The following SYNRG variants were observed in gnomAD, a reference collection of about 807,000 sequenced individuals.
SYNRG encodes the protein synergin gamma.
SYNRG carries 37 observed loss-of-function variants against 130.9 expected under a neutral mutation model. That is an observed-to-expected ratio of 0.28 (90% CI 0.22 to 0.37). The LOEUF is 0.37. Among genes scored for constraint, SYNRG ranks in the 10% least tolerant of loss-of-function variants. The probability of loss-of-function intolerance (pLI) is 1.00; values close to 1 mark genes in which losing one functional copy is unlikely to be tolerated. For missense variants in SYNRG, 1,338 were observed against 1,588.9 expected (o/e 0.84, Z 2.68); for synonymous variants, 539 against 568.1 (o/e 0.95, Z 0.73).
Position 37,542,341 on chromosome 17 carries a change from A to C in SYNRG, c.2833T>G (p.Ser945Ala). 6.2e-7 allele frequency: 1 copy of C among 1,614,206 alleles called. No individual in the cohort carries two copies. The highest frequency in any genetic ancestry group is 1.1e-5 in the South Asian group (1 of 91,086). The part of the protein sequence containing the change: ...SSENITMTSL[S>A]KVTTFVSEDA... ...TCACTTACAAAGGTCGTTACTTTGG[A>C]GAGAGATGTCATGGTGATGTTTTCA... The change falls in exon 15 of 22, where the codon TCC becomes GCC. Residue 945 changes from serine to alanine, a missense_variant. By Grantham distance (99) the Ser-to-Ala change is moderately conservative. Around this residue, in one of 3 missense-constraint regions of SYNRG, gnomAD observed 1,146 missense variants for 1,342.3 expected, o/e 0.85. Coordinates refer to ENST00000612223, the MANE Select transcript of SYNRG (RefSeq NM_007247.6).
intron 14 of SYNRG, among the ~76,000 whole-genome samples, chr17:37,547,471 T>C (rs141614094): frequency 6.6e-6 from 1 of 151,942 alleles, no homozygotes; most frequent in Non-Finnish European, 1.5e-5. Context: ...TGCTTTTTTT[T>C]TTTTTTTGGA....
At chr17:37,545,297 G>A (rs1188896799) in intron 14 of SYNRG, among the ~76,000 whole-genome samples, 1 of 152,030 alleles carries the variant, frequency 6.6e-6, no homozygotes, top group African/African-American at 2.4e-5. Context: ...TCGGGAGGGT[G>A]AGGCAGGAGA....
At chr17:37,566,005 G>A (rs1195001979) in intron 11 of SYNRG, among the ~76,000 whole-genome samples, 1 of 149,762 alleles carries the variant, frequency 6.7e-6, no homozygotes, top group African/African-American at 2.5e-5. Flanking sequence ...CGTCCGGGAG[G>A]GAGGTGGGGG....
chr17:37,580,508 T>TGAGAGAGAGAGAGAGA (rs1470548930), intron 6 of SYNRG, among the ~76,000 whole-genome samples: 76 of 133,774 alleles, frequency 5.7e-4, no homozygotes, highest in East Asian at 2.1e-3. Flanking sequence ...TGTGTGTGTG[T>TGAGAGAGAGAGAGAGA]GTGAGAGAGA....
chr17:37,521,184 CCA>C (rs1368999407), intron 19 of SYNRG, among the ~76,000 whole-genome samples: 3 of 151,994 alleles, frequency 2.0e-5, no homozygotes, highest in African/African-American at 7.3e-5. Context: ...AGGCGCGCCA[CCA>C]CGTCTGGTTA....
intron 20 of SYNRG, 30 bp downstream of exon 20, chr17:37,520,508 T>C: frequency 6.3e-7 from 1 of 1,597,148 alleles, no homozygotes; most frequent in Non-Finnish European, 8.6e-7. Context: ...GGAAGCCCTT[T>C]GCTGTCTGCA....
chr17:37,554,729 A>G (rs1421548640), intron 13 of SYNRG, among the ~76,000 whole-genome samples: 3 of 152,212 alleles, frequency 2.0e-5, no homozygotes, highest in Non-Finnish European at 2.9e-5. Flanking sequence ...ATAGTCTCTA[A>G]TAAGCTGAAT....
At chr17:37,578,345 G>A (rs2061020447) in intron 6 of SYNRG, among the ~76,000 whole-genome samples, 2 of 150,966 alleles carry the variant, frequency 1.3e-5, no homozygotes, top group South Asian at 2.1e-4. Context: ...AAAAAAAAAA[G>A]TAAACGTTGA....
At chr17:37,567,298 A>G (rs909866418) in intron 11 of SYNRG, 1 of 152,236 alleles carries the variant, frequency 6.6e-6, no homozygotes, top group East Asian at 1.9e-4. Context: ...CAAAGTAAAT[A>G]GCATGCTTTT....
intron 13 of SYNRG, among the ~76,000 whole-genome samples, chr17:37,555,921 A>G (rs2059087939): frequency 6.6e-6 from 1 of 152,144 alleles, no homozygotes; most frequent in South Asian, 2.1e-4. Context: ...TAAAAATAAA[A>G]AAACAAATAA....
rs2057137118 is a variant in SYNRG at position 37,535,843 on chromosome 17, T to TCTCCCTC, written c.3666+129_3666+135dup. 3 of 1,184,152 alleles carry TCTCCCTC rather than the reference T, an allele frequency of 2.5e-6. No homozygotes were observed. The East Asian group carries it at 7.1e-5, about 28-fold the overall frequency. The allele number at this position is 1,184,152 out of a possible 1,614,324, so 73.4% of individuals were successfully genotyped here. ...TGTTCAACTGACCACACACCTGTGA[T>TCTCCCTC]CTCCCTCCTTTAATATAACATGCTC... is the stretch of plus-strand genomic sequence containing the variant. On this transcript the variant is annotated intron_variant, in intron 19 of 21. Coordinates refer to ENST00000612223, the MANE Select transcript of SYNRG (RefSeq NM_007247.6).
At chr17:37,520,671 G>A (rs766748994) in intron 19 of SYNRG, 23 bp from the exon 20 acceptor site, 2 of 1,599,544 alleles carry the variant, frequency 1.3e-6, no homozygotes, top group Admixed American at 1.7e-5. Flanking sequence ...CAAGACAAAT[G>A]GGTAAGAAGT....
intron 13 of SYNRG, among the ~76,000 whole-genome samples, chr17:37,557,725 C>T (rs1451591293): frequency 6.6e-6 from 1 of 152,116 alleles, no homozygotes; most frequent in Non-Finnish European, 1.5e-5. Context: ...TGATGCACAT[C>T]TACAGTACCA....
chr17:37,563,725 T>C (rs913779710), intron 11 of SYNRG, among the ~76,000 whole-genome samples: 7 of 152,004 alleles, frequency 4.6e-5, no homozygotes, highest in Non-Finnish European at 1.5e-5. Context: ...TTTGTAGAGA[T>C]GGCATTTCCA....
rs576062818 is a variant in SYNRG, at chr17:37,525,795, G to A, written c.3667-5147C>T. On this transcript the variant is annotated intron_variant, in intron 19 of 21. Coordinates refer to ENST00000612223, the MANE Select transcript of SYNRG (RefSeq NM_007247.6). ...AGCCTGGCCAACATGGTGAAACCCC[G>A]TCTCTACTAAAAATACAAAAATTAG... Among the ~76,000 whole-genome samples the A allele has an allele frequency of 8.2e-3, 1,256 of 152,290 alleles. 10 individuals carry two copies. Among genetic ancestry groups the A allele is most frequent in the South Asian group, 0.048 (230 of 4,832 alleles).
At chr17:37,551,375 T>C (rs1466930070) in intron 14 of SYNRG, among the ~76,000 whole-genome samples, 1 of 152,224 alleles carries the variant, frequency 6.6e-6, no homozygotes, top group Non-Finnish European at 1.5e-5. Context: ...ACAGGAGGTT[T>C]ACAGATCAAT....
intron 15 of SYNRG, chr17:37,541,358 G>A (rs868707545): frequency 2.9e-5 from 18 of 630,736 alleles, no homozygotes; most frequent in Middle Eastern, 1.7e-3. Flanking sequence ...GACAGGAAGC[G>A]GTGGGGATTA....
chr17:37,540,776 A>G (rs111453699), intron 15 of SYNRG: 138,851 of 709,096 alleles, frequency 0.2, 14,236 homozygotes, highest in Middle Eastern at 0.3. Context: ...CTGGGACTAC[A>G]GGTGCACACC....
In SYNRG at chr17:37,538,388, T is replaced by A; in HGVS notation, c.3453A>T (p.Gly1151=). The A allele has an allele frequency of 6.2e-7, 1 of 1,611,130 alleles. No homozygotes were observed. Among genetic ancestry groups the A allele is most frequent in the African/African-American group, 1.3e-5 (1 of 74,918 alleles). ...CTGTGCAAACAGAACTACTACTGAT[T>A]CCATTTAAGGTATCATTTGCCTTCT... is the stretch of plus-strand genomic sequence containing the variant. The part of the protein sequence containing the change: ...VIKKANDTLN[G]ISSSSVCTEV... The change falls in exon 18 of 22, where the codon GGA becomes GGT. Residue 1151 remains glycine (G), a synonymous_variant. Coordinates refer to ENST00000612223, the MANE Select transcript of SYNRG (RefSeq NM_007247.6).
Sources: gnomAD v4.1 joint callset for allele counts (sites outside exome capture counted in the v4.1 genomes callset) on GRCh38, gnomAD v4.1.1 for gene constraint, gnomAD v4.1.1 regional missense constraint, MANE v1.5 for transcripts, NCBI Gene and HGNC (gene_info 2026-07-23, HGNC 2026-07-21) for gene names.